Variants in PVT1 observed in about 807,000 individuals in gnomAD.
The protein encoded by PVT1 is Pvt1 oncogene.
chr8:127,837,189 G>A (rs888615264), intron 2 of PVT1, among the ~76,000 whole-genome samples: 1 of 152,186 alleles, frequency 6.6e-6, no homozygotes, highest in South Asian at 2.1e-4. Flanking sequence ...TGGGCTGACT[G>A]TAGAGATAGA....
intron 2 of PVT1, among the ~76,000 whole-genome samples, chr8:127,833,525 C>T (rs947228279): frequency 1.3e-5 from 2 of 151,838 alleles, no homozygotes; most frequent in Non-Finnish European, 2.9e-5. Context: ...GTGGCACAAT[C>T]TCACTGCAAC....
chr8:127,933,152 T>G (rs1379626226), intron 3 of PVT1, among the ~76,000 whole-genome samples: 1 of 152,230 alleles, frequency 6.6e-6, no homozygotes, highest in African/African-American at 2.4e-5. Context: ...CTCGGCTCAC[T>G]GCAACCTCTG....
chr8:128,068,194 T>C (rs1212519285), intron 4 of PVT1, among the ~76,000 whole-genome samples: 2 of 151,966 alleles, frequency 1.3e-5, no homozygotes, highest in Non-Finnish European at 2.9e-5. Flanking sequence ...ACATTTTCAT[T>C]TGTTGTTCCT....
chr8:128,041,685 T>TTG (rs551409810), intron 4 of PVT1, among the ~76,000 whole-genome samples: 3 of 151,382 alleles, frequency 2.0e-5, no homozygotes, highest in Non-Finnish European at 4.4e-5. Flanking sequence ...TCGTGTGTGT[T>TTG]TGTGTGTGTG....
At chr8:127,883,804 TG>T (rs549306019) in intron 2 of PVT1, among the ~76,000 whole-genome samples, 1 of 152,232 alleles carries the variant, frequency 6.6e-6, no homozygotes, top group South Asian at 2.1e-4. Flanking sequence ...TCCGTGTCAC[TG>T]GGCCAGAGCA....
At position 128,031,598 on chromosome 8, in the gene PVT1, T is replaced by TA. The variant is rs543185382; in HGVS notation, n.913-38559dup. On this transcript the variant is annotated intron_variant and non_coding_transcript_variant, in intron 4 of 10. Coordinates refer to ENST00000651587, the Ensembl canonical transcript of PVT1. ...GTGAGGATTAGACAGGTCGATAAGT[T>TA]AAAGTGCCTACTCTGTGTGTGTGCA... Among the ~76,000 whole-genome samples the TA allele has an allele frequency of 1.8e-4, 28 of 152,292 alleles. No individual in the cohort carries two copies. In the East Asian group the frequency reaches 5.2e-3, roughly 28 times the overall value.
chr8:127,871,814 C>A (rs181189503), intron 2 of PVT1, among the ~76,000 whole-genome samples: 2 of 152,188 alleles, frequency 1.3e-5, no homozygotes, highest in Non-Finnish European at 2.9e-5. Flanking sequence ...ACTGGCTGAG[C>A]GCAGTGGCTC....
intron 3 of PVT1, among the ~76,000 whole-genome samples, chr8:127,892,238 A>C (rs1258441231): frequency 6.6e-6 from 1 of 152,164 alleles, no homozygotes; most frequent in Non-Finnish European, 1.5e-5. Context: ...CATAGCTCTT[A>C]GATGTGTTCT....
At position 127,834,182 on chromosome 8, in the gene PVT1, T is replaced by G. The variant is rs77061838; in HGVS notation, n.372+38111T>G. On this transcript the variant is annotated intron_variant and non_coding_transcript_variant, in intron 2 of 10. Coordinates refer to ENST00000651587, the Ensembl canonical transcript of PVT1. The stretch of plus-strand genomic sequence containing the variant: ...TAAACTTCAAACTATACCACAAGGC[T>G]ACAGTAGCCAAAACAGCATGATACT... Among the ~76,000 whole-genome samples, 1,097 of 152,158 alleles carry G rather than the reference T, an allele frequency of 7.2e-3. 20 individuals carry two copies. Among genetic ancestry groups the G allele is most frequent in the African/African-American group, 0.025 (1,031 of 41,510 alleles).
intron 2 of PVT1, among the ~76,000 whole-genome samples, chr8:127,806,454 C>CTCAGCCTCCCGA (rs1814530398): frequency 6.6e-6 from 1 of 151,078 alleles, no homozygotes; most frequent in African/African-American, 2.4e-5. Context: ...AGAACGACTC[C>CTCAGCCTCCCGA]GTCTAAAAAA....
chr8:127,919,732 A>C (rs80106186), intron 3 of PVT1, among the ~76,000 whole-genome samples: 1 of 152,110 alleles, frequency 6.6e-6, no homozygotes, highest in East Asian at 1.9e-4. Flanking sequence ...GTGGCCCACC[A>C]TCCAGCAGTG....
intron 3 of PVT1, among the ~76,000 whole-genome samples, chr8:127,938,818 G>A (rs557448556): frequency 2.6e-5 from 4 of 152,184 alleles, no homozygotes; most frequent in Non-Finnish European, 4.4e-5. Context: ...AGTGGGTCTC[G>A]TTCGATGGTG....
intron 4 of PVT1, among the ~76,000 whole-genome samples, chr8:128,018,939 G>A (rs1181013984): frequency 6.6e-6 from 1 of 152,232 alleles, no homozygotes; most frequent in African/African-American, 2.4e-5. Context: ...GATGAGCCGC[G>A]AGGTTTGTGG....
chr8:128,098,039 C>T (rs868666088), intron 6 of PVT1, among the ~76,000 whole-genome samples: 2 of 152,300 alleles, frequency 1.3e-5, no homozygotes, highest in Non-Finnish European at 2.9e-5. Context: ...TCTCCATGAG[C>T]CAGGCCTGAA....
chr8:127,865,612 G>A (rs893248527), intron 2 of PVT1, among the ~76,000 whole-genome samples: 5 of 152,176 alleles, frequency 3.3e-5, no homozygotes, highest in African/African-American at 7.2e-5. Flanking sequence ...CTAGAAGTTG[G>A]AAAAGGCAAG....
intron 2 of PVT1, among the ~76,000 whole-genome samples, chr8:127,811,981 C>T (rs1778293522): frequency 6.6e-6 from 1 of 152,042 alleles, no homozygotes; most frequent in South Asian, 2.1e-4. Context: ...GCGGCTCGTG[C>T]CTGTAATCCC....
intron 3 of PVT1, among the ~76,000 whole-genome samples, chr8:127,940,806 T>C (rs543906487): frequency 9.1e-4 from 138 of 152,310 alleles, no homozygotes; most frequent in Non-Finnish European, 1.5e-3. Flanking sequence ...CTCACTATCT[T>C]GCCCAGGCAG....
intron 3 of PVT1, among the ~76,000 whole-genome samples, chr8:127,937,778 A>G (rs533142382): frequency 1.3e-5 from 2 of 152,222 alleles, no homozygotes; most frequent in African/African-American, 4.8e-5. Flanking sequence ...CCCCAATTCA[A>G]TTCAATCTTT....
At chr8:128,089,625 G>A (rs1814323803) in intron 5 of PVT1, among the ~76,000 whole-genome samples, 1 of 152,202 alleles carries the variant, frequency 6.6e-6, no homozygotes, top group South Asian at 2.1e-4. Flanking sequence ...AGGCCATGAG[G>A]GCATACAGAT....
Sources: allele counts gnomAD v4.1 joint callset (sites outside exome capture counted in the v4.1 genomes callset), GRCh38; gene constraint gnomAD v4.1.1; transcripts MANE v1.5; gene names NCBI Gene and HGNC (gene_info 2026-07-23, HGNC 2026-07-21).